CNTNAP2: variants seen among roughly 807,000 people sequenced by gnomAD.
The protein encoded by CNTNAP2 is contactin-associated protein-like 2.
Under a neutral mutation model 155.2 loss-of-function variants are expected in CNTNAP2, and 98 were observed. The ratio of observed to expected loss-of-function variants is 0.63; its 90% confidence interval spans 0.54 to 0.75. The LOEUF (loss-of-function observed/expected upper bound fraction) is 0.75, where lower values mean the gene tolerates loss of function less well. Ranked by LOEUF, CNTNAP2 falls within the 30% of genes least tolerant of loss-of-function variation. The probability of loss-of-function intolerance (pLI) is 0.00; values close to 1 mark genes in which losing one functional copy is unlikely to be tolerated. For synonymous variants in CNTNAP2, 651 were observed against 631.2 expected (o/e 1.03, Z -0.47); for missense variants, 1,727 against 1,688.1 (o/e 1.02, Z -0.40).
At chr7:146,478,366 G>T (rs1439080937) in intron 1 of CNTNAP2, among the ~76,000 whole-genome samples, 2 of 151,828 alleles carry the variant, frequency 1.3e-5, no homozygotes, top group African/African-American at 4.8e-5. Context: ...CACCAAGAGA[G>T]GGTGATCCAT....
chr7:146,629,994 C>CT (rs112133412), intron 1 of CNTNAP2, among the ~76,000 whole-genome samples: 6,644 of 148,730 alleles, frequency 0.045, 167 homozygotes, highest in African/African-American at 0.056. Context: ...ATATGGTGTT[C>CT]TTTTTTTTTT....
Position 147,067,846 on chromosome 7 carries a change from TC to T in CNTNAP2, c.550+23795del, listed in dbSNP as rs1799812269. 4.6e-5 allele frequency among the ~76,000 whole-genome samples: 7 copies of T among 152,354 alleles called. No individual in the cohort carries two copies. The South Asian group carries it at 1.4e-3, about 32-fold the overall frequency. ...CTCGATTCGCATTCGGTTGTTCTCT[TC>T]CCATTCCATTTTGTGTTAGTTTCTT... is the stretch of plus-strand genomic sequence containing the variant. On this transcript the variant is annotated intron_variant, in intron 4 of 23. Coordinates refer to ENST00000361727, the MANE Select transcript of CNTNAP2 (RefSeq NM_014141.6).
intron 13 of CNTNAP2, among the ~76,000 whole-genome samples, chr7:147,655,511 A>G (rs111298712): frequency 1.1e-4 from 17 of 152,344 alleles, no homozygotes; most frequent in African/African-American, 4.1e-4. Flanking sequence ...GCATGAAAAA[A>G]CATTAATCTT....
intron 14 of CNTNAP2, among the ~76,000 whole-genome samples, chr7:147,931,282 G>GAA (rs1276096076): frequency 6.7e-6 from 1 of 148,588 alleles, no homozygotes; most frequent in Non-Finnish European, 1.5e-5. Context: ...AAAAAAAAGA[G>GAA]AAAAAAACTC....
intron 9 of CNTNAP2, among the ~76,000 whole-genome samples, chr7:147,382,100 T>C (rs1372454008): frequency 6.6e-6 from 1 of 152,162 alleles, no homozygotes; most frequent in Non-Finnish European, 1.5e-5. Flanking sequence ...TGTTTATATA[T>C]GGCATAATAA....
In CNTNAP2 at chr7:146,466,058, C is replaced by T. The variant is rs183756947; in HGVS notation, c.98-308213C>T. ...GGTTTTGACTGTTTACGCTGGGCTACACCATAAAAGCTCGTTGGGTTCTAA... is the reference window on the plus strand; with the variant it reads ...GGTTTTGACTGTTTACGCTGGGCTATACCATAAAAGCTCGTTGGGTTCTAA... On this transcript the variant is annotated intron_variant, in intron 1 of 23. Transcript: ENST00000361727. Among the ~76,000 whole-genome samples, 5 of 152,216 alleles carry T rather than the reference C, an allele frequency of 3.3e-5. No individual in the cohort carries two copies. In the East Asian group the frequency reaches 9.7e-4, roughly 29 times the overall value.
intron 15 of CNTNAP2, among the ~76,000 whole-genome samples, chr7:148,024,122 T>C (rs1171582947): frequency 6.9e-6 from 1 of 145,612 alleles, no homozygotes; most frequent in Non-Finnish European, 1.5e-5. Context: ...CTTCTTGCAC[T>C]TGTGAATCAC....
At chr7:146,579,024 A>G (rs1436001503) in intron 1 of CNTNAP2, among the ~76,000 whole-genome samples, 1 of 152,108 alleles carries the variant, frequency 6.6e-6, no homozygotes, top group Non-Finnish European at 1.5e-5. Flanking sequence ...GACGTATTTT[A>G]CTTTGTGTTT....
At chr7:147,662,198 C>A (rs113343431) in intron 13 of CNTNAP2, among the ~76,000 whole-genome samples, 195 of 152,350 alleles carry the variant, frequency 1.3e-3, no homozygotes, top group Non-Finnish European at 2.5e-3. Flanking sequence ...ACATTACACA[C>A]TTTGCCCAGT....
At chr7:146,248,793 A>T (rs944980917) in intron 1 of CNTNAP2, among the ~76,000 whole-genome samples, 7 of 152,176 alleles carry the variant, frequency 4.6e-5, no homozygotes, top group African/African-American at 1.4e-4. Context: ...AAGTCCCCTG[A>T]TCCGAGTCAC....
intron 4 of CNTNAP2, among the ~76,000 whole-genome samples, chr7:147,047,901 G>A (rs1330905562): frequency 6.6e-6 from 1 of 152,152 alleles, no homozygotes; most frequent in African/African-American, 2.4e-5. Flanking sequence ...ATAGATGCCA[G>A]TGGAGTAAGT....
rs188559862 is a variant in CNTNAP2 at position 146,463,023 on chromosome 7, C to A, written c.98-311248C>A. Among the ~76,000 whole-genome samples, 5 of 152,114 alleles carry A rather than the reference C, an allele frequency of 3.3e-5. No homozygotes were observed. In the East Asian group the frequency reaches 9.7e-4, roughly 29 times the overall value. Reference sequence around the variant, plus strand: ...CCCTTGCAGGTGAGGTAGGCCTACACTCCAGTTCGTCATGGGAGCAAGGGA... The same window carrying A: ...CCCTTGCAGGTGAGGTAGGCCTACAATCCAGTTCGTCATGGGAGCAAGGGA... On this transcript the variant is annotated intron_variant, in intron 1 of 23. Transcript: ENST00000361727.
intron 13 of CNTNAP2, among the ~76,000 whole-genome samples, chr7:147,738,785 G>C (rs1003773954): frequency 4.5e-4 from 68 of 151,580 alleles, no homozygotes; most frequent in African/African-American, 1.6e-3. Flanking sequence ...CTCCTGAGTA[G>C]CTGGGATTAC....
intron 1 of CNTNAP2, among the ~76,000 whole-genome samples, chr7:146,566,127 C>T (rs1247929605): frequency 6.6e-6 from 1 of 152,112 alleles, no homozygotes; most frequent in Non-Finnish European, 1.5e-5. Flanking sequence ...TGAACATCAG[C>T]TTTGTTATTC....
At chr7:147,057,348 T>C (rs981680092) in intron 4 of CNTNAP2, among the ~76,000 whole-genome samples, 2 of 152,206 alleles carry the variant, frequency 1.3e-5, no homozygotes, top group South Asian at 4.1e-4. Flanking sequence ...TCTATTTTTT[T>C]TAAAAATTAT....
intron 16 of CNTNAP2, among the ~76,000 whole-genome samples, chr7:148,132,156 G>GT (rs1337931374): frequency 6.6e-6 from 1 of 152,002 alleles, no homozygotes; most frequent in Non-Finnish European, 1.5e-5. Flanking sequence ...AATAAAAACA[G>GT]TTTGTTATAA....
intron 1 of CNTNAP2, among the ~76,000 whole-genome samples, chr7:146,379,783 G>A (rs1445919309): frequency 6.6e-6 from 1 of 152,110 alleles, no homozygotes; most frequent in Non-Finnish European, 1.5e-5. Flanking sequence ...AGGCATGTGG[G>A]ACGATAATTT....
intron 1 of CNTNAP2, among the ~76,000 whole-genome samples, chr7:146,432,526 G>A (rs764507314): frequency 1.3e-5 from 2 of 152,024 alleles, no homozygotes; most frequent in Non-Finnish European, 2.9e-5. Context: ...GCTCTTTGGA[G>A]ATCAAAAGAA....
intron 21 of CNTNAP2, among the ~76,000 whole-genome samples, chr7:148,295,599 C>G (rs970883715): frequency 2.9e-5 from 4 of 138,968 alleles, no homozygotes; most frequent in Non-Finnish European, 6.3e-5. Context: ...TCACCCCATT[C>G]TCCTGCCTCA....
Sources: allele counts gnomAD v4.1 joint callset (sites outside exome capture counted in the v4.1 genomes callset), GRCh38; gene constraint gnomAD v4.1.1; transcripts MANE v1.5; gene names NCBI Gene and HGNC (gene_info 2026-07-23, HGNC 2026-07-21).